Variants in PRKN observed in about 807,000 individuals in gnomAD.
PRKN encodes the protein E3 ubiquitin-protein ligase parkin.
In PRKN, 56 loss-of-function variants were observed where a neutral mutation model predicts 59.5. That is an observed-to-expected ratio of 0.94 (90% CI 0.76 to 1.18). The LOEUF is 1.18. Among genes scored for constraint, PRKN ranks in the 50% most tolerant of loss-of-function variants. The pLI is 0.00. For missense variants in PRKN, 657 were observed against 596.4 expected, an observed-to-expected ratio of 1.10 and a Z score of -1.06; for synonymous variants, 250 against 222.1, an observed-to-expected ratio of 1.13 and a Z score of -1.12.
At chr6:162,203,789 T>C (rs1187377004) in intron 3 of PRKN, among the ~76,000 whole-genome samples, 3 of 152,138 alleles carry the variant, frequency 2.0e-5, no homozygotes, top group African/African-American at 7.2e-5. Flanking sequence ...AAATCCTTTC[T>C]CTCTCCTAAT....
chr6:162,722,459 G>C (rs961624932), intron 1 of PRKN, among the ~76,000 whole-genome samples: 2 of 152,148 alleles, frequency 1.3e-5, no homozygotes, highest in Non-Finnish European at 2.9e-5. Flanking sequence ...TTACAAAATT[G>C]AGGGAGAGAA....
chr6:161,883,209 G>A (rs1323313495), intron 6 of PRKN, among the ~76,000 whole-genome samples: 1 of 151,902 alleles, frequency 6.6e-6, no homozygotes, highest in African/African-American at 2.4e-5. Context: ...TTTTAGAAAG[G>A]AAACATCTGA....
chr6:162,133,384 T>A (rs1366634716), intron 4 of PRKN, among the ~76,000 whole-genome samples: 1 of 152,146 alleles, frequency 6.6e-6, no homozygotes, highest in Non-Finnish European at 1.5e-5. Context: ...AAGATATTTG[T>A]CCTTAGCAAC....
rs191569799 is a variant in PRKN, at chr6:162,469,614, T to C, written c.8-26141A>G. Reference sequence around the variant, plus strand: ...TGGGAATGGAGATGATTCTTCTAAGTGAAGTAACTCAGGAATGGCAAACCA... The same window carrying C: ...TGGGAATGGAGATGATTCTTCTAAGCGAAGTAACTCAGGAATGGCAAACCA... On this transcript the variant is annotated intron_variant, in intron 1 of 11. Transcript: ENST00000366898. Among the ~76,000 whole-genome samples the C allele has an allele frequency of 1.1e-4, 16 of 151,938 alleles. No homozygotes were observed. In the East Asian group the frequency reaches 2.7e-3, roughly 26 times the overall value.
rs530243211 is a variant in PRKN at position 162,444,097 on chromosome 6, G to A, written c.8-624C>T. Among the ~76,000 whole-genome samples, 28 of 152,148 alleles carry A rather than the reference G, an allele frequency of 1.8e-4. 1 individual carries two copies. In the South Asian group the frequency reaches 5.4e-3, roughly 29 times the overall value. ...TGTCTTATTGAAGCCACTGTTCCCC[G>A]TGAGACCCAGGCTGCATCCTCTAGT... On this transcript the variant is annotated intron_variant, in intron 1 of 11. Coordinates refer to ENST00000366898, the MANE Select transcript of PRKN (RefSeq NM_004562.3).
At chr6:161,686,288 C>G (rs1200838226) in intron 7 of PRKN, among the ~76,000 whole-genome samples, 1 of 152,082 alleles carries the variant, frequency 6.6e-6, no homozygotes, top group Non-Finnish European at 1.5e-5. Flanking sequence ...GCAATACTTT[C>G]ATAGCTCTCC....
chr6:162,298,656 G>A (rs1012234604), intron 2 of PRKN, among the ~76,000 whole-genome samples: 1 of 140,114 alleles, frequency 7.1e-6, no homozygotes, highest in African/African-American at 2.7e-5. Flanking sequence ...CAGCATGGAG[G>A]CACCAGAGGA....
chr6:162,146,190 T>A (rs1407428729), intron 4 of PRKN, among the ~76,000 whole-genome samples: 1 of 152,120 alleles, frequency 6.6e-6, no homozygotes, highest in East Asian at 1.9e-4. Context: ...CACGTAGCCA[T>A]CCAGCAAACA....
chr6:162,601,238 T>G lies in PRKN; in HGVS notation c.7+126424A>C, dbSNP rs560787357. Among the ~76,000 whole-genome samples, 9 of 152,066 alleles carry G rather than the reference T, an allele frequency of 5.9e-5. No individual in the cohort carries two copies. The South Asian group carries it at 1.7e-3, about 28-fold the overall frequency. ...CATAGTGGCCCCACCCCGATGACCT[T>G]ATCTAATCCTAATTACCCTCCCAAA... On this transcript the variant is annotated intron_variant, in intron 1 of 11. Transcript: ENST00000366898.
At chr6:161,365,728 T>C (rs1454445450) in intron 10 of PRKN, among the ~76,000 whole-genome samples, 2 of 152,072 alleles carry the variant, frequency 1.3e-5, no homozygotes, top group South Asian at 2.1e-4. Context: ...CACTAGGATT[T>C]CCCCAAACGG....
intron 6 of PRKN, among the ~76,000 whole-genome samples, chr6:161,827,369 A>T (rs1411402753): frequency 6.6e-6 from 1 of 152,152 alleles, no homozygotes; most frequent in East Asian, 1.9e-4. Flanking sequence ...GGGTTTTTAG[A>T]ATCTGAGCAA....
chr6:161,680,642 CAG>C (rs1785282486), intron 7 of PRKN, among the ~76,000 whole-genome samples: 1 of 149,504 alleles, frequency 6.7e-6, no homozygotes, highest in African/African-American at 2.5e-5. Context: ...TACTTCATCT[CAG>C]GGGGCAGAAA....
chr6:162,554,022 G>A (rs73025324), intron 1 of PRKN, among the ~76,000 whole-genome samples: 1 of 152,284 alleles, frequency 6.6e-6, no homozygotes, highest in Non-Finnish European at 1.5e-5. Context: ...CACCGCAGCT[G>A]TCGCTGGAGA....
At chr6:161,823,201 T>C (rs904784157) in intron 6 of PRKN, among the ~76,000 whole-genome samples, 1 of 151,762 alleles carries the variant, frequency 6.6e-6, no homozygotes, top group Non-Finnish European at 1.5e-5. Context: ...TCCCCCAAAG[T>C]ATTGGGATTG....
chr6:161,640,198 T>C (rs1403749563), intron 7 of PRKN, among the ~76,000 whole-genome samples: 1 of 152,234 alleles, frequency 6.6e-6, no homozygotes, highest in Non-Finnish European at 1.5e-5. Flanking sequence ...GAAAATACTT[T>C]TTCTTCTCTT....
chr6:162,119,347 T>C (rs1414045026), intron 4 of PRKN, among the ~76,000 whole-genome samples: 1 of 152,198 alleles, frequency 6.6e-6, no homozygotes, highest in Non-Finnish European at 1.5e-5. Flanking sequence ...GTGTTTTGCC[T>C]TGAAGGCTGG....
chr6:161,869,473 T>C (rs1451730702), intron 6 of PRKN, among the ~76,000 whole-genome samples: 1 of 152,206 alleles, frequency 6.6e-6, no homozygotes, highest in African/African-American at 2.4e-5. Context: ...TGTTTTGAGC[T>C]GATAAATACG....
chr6:161,573,164 A>T (rs1780959429), intron 7 of PRKN, among the ~76,000 whole-genome samples: 2 of 152,198 alleles, frequency 1.3e-5, no homozygotes. Context: ...CCTACAGCTC[A>T]GGGTCCCAGG....
rs761170273 is a variant in PRKN, at chr6:162,047,033, C to T, written c.618+7058G>A. 1.4e-3 allele frequency among the ~76,000 whole-genome samples: 209 copies of T among 152,110 alleles called. 3 individuals carry two copies. The highest frequency in any genetic ancestry group is 6.0e-4 in the Non-Finnish European group (41 of 68,016). Reference sequence around the variant, plus strand: ...CTAAGAAAACTTTCTAGTTTGTCACCCCAAATTGCATGTCAGACAACAGAG... The same window carrying T: ...CTAAGAAAACTTTCTAGTTTGTCACTCCAAATTGCATGTCAGACAACAGAG... On this transcript the variant is annotated intron_variant, in intron 5 of 11. Transcript: ENST00000366898.
Sources: allele counts gnomAD v4.1 joint callset (sites outside exome capture counted in the v4.1 genomes callset), GRCh38; gene constraint gnomAD v4.1.1; transcripts MANE v1.5; gene names NCBI Gene and HGNC (gene_info 2026-07-23, HGNC 2026-07-21).